OPCML: variants seen among roughly 807,000 people sequenced by gnomAD.
OPCML encodes opioid binding protein/cell adhesion molecule like, also known as opioid-binding protein/cell adhesion molecule.
OPCML carries 13 observed loss-of-function variants against 37.8 expected under a neutral mutation model. The ratio of observed to expected loss-of-function variants is 0.34; its 90% CI spans 0.22 to 0.55. OPCML has a LOEUF of 0.55. Among genes scored for constraint, OPCML ranks in the 20% least tolerant of loss-of-function variants. OPCML has a pLI of 0.91. For synonymous variants in OPCML, 176 were observed against 168.8 expected (o/e 1.04, Z -0.33); for missense variants, 341 against 435.6 (o/e 0.78, Z 1.93).
intron 2 of OPCML, among the ~76,000 whole-genome samples, chr11:132,876,353 A>G (rs1006413923): frequency 2.0e-5 from 3 of 152,170 alleles, no homozygotes; most frequent in Non-Finnish European, 4.4e-5. Context: ...CAAACCCTTT[A>G]TGATCTGAGT....
intron 2 of OPCML, among the ~76,000 whole-genome samples, chr11:132,665,630 C>T (rs183600646): frequency 6.6e-6 from 1 of 152,180 alleles, no homozygotes; most frequent in East Asian, 1.9e-4. Flanking sequence ...GGTAGCGAAA[C>T]ACAATTATAA....
chr11:132,722,705 G>A (rs550035329), intron 2 of OPCML, among the ~76,000 whole-genome samples: 1 of 152,214 alleles, frequency 6.6e-6, no homozygotes, highest in Non-Finnish European at 1.5e-5. Flanking sequence ...TTAGCAGTAG[G>A]AGGGAGACCC....
At chr11:132,777,054 T>A (rs1946832536) in intron 2 of OPCML, among the ~76,000 whole-genome samples, 1 of 152,178 alleles carries the variant, frequency 6.6e-6, no homozygotes, top group African/African-American at 2.4e-5. Flanking sequence ...CCATGCACCA[T>A]CACCAAAGGA....
chr11:132,690,574 G>A (rs1191178168), intron 2 of OPCML, among the ~76,000 whole-genome samples: 1 of 152,122 alleles, frequency 6.6e-6, no homozygotes, highest in Non-Finnish European at 1.5e-5. Context: ...GAAGAGAAAT[G>A]GAATGGTTAA....
chr11:133,154,416 A>G (rs907958822), intron 1 of OPCML, among the ~76,000 whole-genome samples: 3 of 152,066 alleles, frequency 2.0e-5, no homozygotes, highest in African/African-American at 7.2e-5. Flanking sequence ...AGAATTTTTT[A>G]TTTTTGTAAC....
intron 1 of OPCML, among the ~76,000 whole-genome samples, chr11:133,395,137 C>T (rs1244570411): frequency 1.3e-5 from 2 of 152,226 alleles, no homozygotes; most frequent in East Asian, 3.9e-4. Context: ...AGGTTGAGCA[C>T]CTTTTCATAT....
chr11:132,575,626 A>G (rs1433319208), intron 3 of OPCML, among the ~76,000 whole-genome samples: 2 of 151,944 alleles, frequency 1.3e-5, no homozygotes, highest in African/African-American at 4.8e-5. Context: ...GTAATAATTT[A>G]TCTTTTAAGT....
At chr11:133,162,538 G>C (rs1307871334) in intron 1 of OPCML, among the ~76,000 whole-genome samples, 1 of 152,208 alleles carries the variant, frequency 6.6e-6, no homozygotes, top group Non-Finnish European at 1.5e-5. Flanking sequence ...AGGGAGAGAG[G>C]GTGTGGATCT....
intron 2 of OPCML, among the ~76,000 whole-genome samples, chr11:132,850,516 GGTGTGTGTGTGTGTGT>G (rs66934308): frequency 2.0e-5 from 3 of 148,028 alleles, no homozygotes; most frequent in East Asian, 2.0e-4. Flanking sequence ...CTGTGGAAAG[GGTGTGTGTGTGTGTGT>G]GTGTGTGTGT....
chr11:132,714,165 C>T (rs757171416), intron 2 of OPCML, among the ~76,000 whole-genome samples: 8 of 152,198 alleles, frequency 5.3e-5, no homozygotes, highest in Non-Finnish European at 1.0e-4. Context: ...CAGCAAAATA[C>T]TCTCTGCCTC....
intron 1 of OPCML, among the ~76,000 whole-genome samples, chr11:133,123,680 A>T (rs759358171): frequency 6.6e-6 from 1 of 151,756 alleles, no homozygotes; most frequent in Admixed American, 6.6e-5. Flanking sequence ...CATGCACCCA[A>T]CCCCTGAATA....
intron 1 of OPCML, among the ~76,000 whole-genome samples, chr11:133,325,231 A>T (rs1943421136): frequency 6.6e-6 from 1 of 152,242 alleles, no homozygotes; most frequent in African/African-American, 2.4e-5. Flanking sequence ...CTGATAGCGA[A>T]TGCGAGAAGT....
At chr11:132,617,235 G>A (rs1232142376) in intron 3 of OPCML, among the ~76,000 whole-genome samples, 1 of 152,188 alleles carries the variant, frequency 6.6e-6, no homozygotes, top group Admixed American at 6.5e-5. Context: ...CTATTGGGGA[G>A]GGGGTTGAGA....
At chr11:133,017,557 T>C (rs1385280566) in intron 1 of OPCML, among the ~76,000 whole-genome samples, 1 of 151,884 alleles carries the variant, frequency 6.6e-6, no homozygotes, top group Non-Finnish European at 1.5e-5. Context: ...ACCCAGCTAA[T>C]TTTGTATTTT....
chr11:133,452,308 A>G (rs1591515886), intron 1 of OPCML, among the ~76,000 whole-genome samples: 1 of 84,524 alleles, frequency 1.2e-5, no homozygotes, highest in South Asian at 2.9e-4. Flanking sequence ...AAAATGCACA[A>G]ACAGTGGTAG....
chr11:132,993,150 T>C (rs1946812454), intron 1 of OPCML, among the ~76,000 whole-genome samples: 1 of 152,204 alleles, frequency 6.6e-6, no homozygotes, highest in Non-Finnish European at 1.5e-5. Flanking sequence ...AATATAACTA[T>C]GTCATCCTTA....
intron 1 of OPCML, among the ~76,000 whole-genome samples, chr11:133,262,708 T>G (rs1363750726): frequency 6.6e-6 from 1 of 152,146 alleles, no homozygotes; most frequent in Non-Finnish European, 1.5e-5. Flanking sequence ...AGCTCTTTGA[T>G]GTACTTCCAG....
chr11:132,462,567 G>T (rs1388060085), intron 4 of OPCML, among the ~76,000 whole-genome samples: 3 of 152,190 alleles, frequency 2.0e-5, no homozygotes. Flanking sequence ...TAATGCAGTG[G>T]TGTTTGCTTC....
At chr11:132,557,848 T>G (rs7116523) in intron 3 of OPCML, among the ~76,000 whole-genome samples, 67,022 of 152,056 alleles carry the variant, frequency 0.44, 15,179 homozygotes, top group African/African-American at 0.49. Flanking sequence ...GAAAAGGCTC[T>G]GCAGAAGATG....
Sources: allele counts gnomAD v4.1 joint callset (sites outside exome capture counted in the v4.1 genomes callset), GRCh38; gene constraint gnomAD v4.1.1; transcripts MANE v1.5; gene names NCBI Gene and HGNC (gene_info 2026-07-23, HGNC 2026-07-21).